The following KIF26B variants were observed in gnomAD, a reference collection of about 807,000 sequenced individuals.
The protein encoded by KIF26B is kinesin-like protein KIF26B.
A neutral mutation model predicts 151.2 loss-of-function variants in KIF26B; 63 were observed. That is an observed-to-expected ratio of 0.42 (90% CI 0.34 to 0.51). The LOEUF is 0.51. Ranked by LOEUF, KIF26B falls within the 20% of genes least tolerant of loss-of-function variation. The pLI, the probability that KIF26B is intolerant of heterozygous loss-of-function variation, is 0.07. For synonymous variants in KIF26B, 1,357 were observed against 1,262.1 expected (o/e 1.08, Z -1.59); for missense variants, 2,813 against 2,913.6 (o/e 0.97, Z 0.79).
intron 5 of KIF26B, among the ~76,000 whole-genome samples, chr1:245,565,119 C>T (rs1275215141): frequency 2.6e-5 from 4 of 152,058 alleles, no homozygotes; most frequent in Admixed American, 6.6e-5. Flanking sequence ...CCTGGCTGAG[C>T]GAGACCCTCT....
At chr1:245,295,123 G>A (rs896522062) in intron 2 of KIF26B, among the ~76,000 whole-genome samples, 2 of 152,064 alleles carry the variant, frequency 1.3e-5, no homozygotes, top group African/African-American at 4.8e-5. Context: ...AAATAATGAA[G>A]CATAAACATG....
intron 2 of KIF26B, among the ~76,000 whole-genome samples, chr1:245,188,184 G>A (rs1669033132): frequency 6.8e-6 from 1 of 148,138 alleles, no homozygotes; most frequent in Non-Finnish European, 1.5e-5. Context: ...GGAGGCTAAG[G>A]CAGGAGAATC....
chr1:245,688,367 T>C lies in KIF26B; in HGVS notation c.5384T>C (p.Leu1795Pro). ...QSLSRNRSSG[L>P]ASKLPLRAVS... ...CTCAGCAGGAACAGGAGCTCGGGCC[T>C]GGCCTCCAAGCTTCCCCTGCGGGCC... The change falls in exon 12 of 15, where the codon CTG becomes CCG. Residue 1795 changes from leucine (L) to proline (P), a missense_variant. This residue lies in a region of KIF26B where 2,060 missense variants were observed against 2,088.6 expected (regional missense o/e 0.99). Transcript: ENST00000407071. 1 of 1,551,384 alleles carries C rather than the reference T, an allele frequency of 6.4e-7. No homozygotes were observed. The highest frequency in any genetic ancestry group is 8.6e-7 in the Non-Finnish European group (1 of 1,157,364).
chr1:245,622,624 C>G (rs2043676252), intron 9 of KIF26B, among the ~76,000 whole-genome samples: 3 of 152,222 alleles, frequency 2.0e-5, no homozygotes, highest in Admixed American at 2.0e-4. Flanking sequence ...TTGGCCTCCA[C>G]AACAGCTTTG....
intron 10 of KIF26B, among the ~76,000 whole-genome samples, chr1:245,647,928 T>A (rs1204391714): frequency 6.6e-6 from 1 of 152,164 alleles, no homozygotes; most frequent in Non-Finnish European, 1.5e-5. Flanking sequence ...CCCTTTTCTA[T>A]GGGAGAATAT....
At chr1:245,673,602 T>C (rs1042546434) in intron 10 of KIF26B, 2 of 152,300 alleles carry the variant, frequency 1.3e-5, no homozygotes, top group African/African-American at 4.8e-5. Flanking sequence ...ACTTCTAATG[T>C]CAACCTTGAA....
In KIF26B at chr1:245,705,454, A is replaced by G. The variant is rs892000126; in HGVS notation, c.*2848A>G. 1 of 152,184 alleles carries G rather than the reference A, an allele frequency of 6.6e-6. No individual in the cohort carries two copies. Among genetic ancestry groups the G allele is most frequent in the African/African-American group, 2.4e-5 (1 of 41,444 alleles). 9.4% of individuals were successfully genotyped at this position (152,184 alleles called of 1,614,324 possible). On this transcript the variant is annotated 3_prime_UTR_variant, in exon 15 of 15. Coordinates refer to ENST00000407071, the MANE Select transcript of KIF26B (RefSeq NM_018012.4). ...TGACCATTCTGAAGCAGTCCCAGTC[A>G]CGGGAGGATGCCTTACCCAGTGGCC...
At chr1:245,622,737 T>C (rs1043445309) in intron 9 of KIF26B, among the ~76,000 whole-genome samples, 4 of 152,110 alleles carry the variant, frequency 2.6e-5, no homozygotes, top group Non-Finnish European at 5.9e-5. Context: ...AGGCCAGGTA[T>C]GAGGCTGTAA....
At chr1:245,316,287 A>G (rs563164330) in intron 2 of KIF26B, among the ~76,000 whole-genome samples, 88 of 152,034 alleles carry the variant, frequency 5.8e-4, no homozygotes, top group African/African-American at 2.0e-3. Context: ...ATGCCTGGCT[A>G]ATTTTTTTGT....
intron 2 of KIF26B, among the ~76,000 whole-genome samples, chr1:245,183,915 T>G (rs991147487): frequency 3.3e-5 from 5 of 151,578 alleles, no homozygotes; most frequent in African/African-American, 9.7e-5. Flanking sequence ...AGTGATGGAG[T>G]TTTTTGTTGG....
intron 2 of KIF26B, among the ~76,000 whole-genome samples, chr1:245,316,386 AG>A: frequency 6.6e-6 from 1 of 152,106 alleles, no homozygotes; most frequent in East Asian, 1.9e-4. Flanking sequence ...GGTCTCCCAA[AG>A]TTCTGGGATT....
At chr1:245,565,553 G>C (rs1416976356) in intron 5 of KIF26B, among the ~76,000 whole-genome samples, 1 of 152,154 alleles carries the variant, frequency 6.6e-6, no homozygotes, top group East Asian at 1.9e-4. Flanking sequence ...GCCTCCCAAA[G>C]TGCTGGGATT....
rs1660973539 is a variant in KIF26B at position 245,516,644 on chromosome 1, G to A, written c.1167-24123G>A. Among the ~76,000 whole-genome samples the A allele has an allele frequency of 6.6e-6, 1 of 152,102 alleles. No individual in the cohort carries two copies. Among genetic ancestry groups the A allele is most frequent in the African/African-American group, 2.4e-5 (1 of 41,410 alleles). On this transcript the variant is annotated intron_variant, in intron 4 of 14. Transcript: ENST00000407071. This position sits in a 1 kb window ranked among gnomAD's most constrained non-coding sequence, Gnocchi z 4.2. ...GTCTTGGTGGGGGTGGAGATGTGGGGTGAAGTAATGAGCCCGCAAGGCCTG... is the reference window on the plus strand; with the variant it reads ...GTCTTGGTGGGGGTGGAGATGTGGGATGAAGTAATGAGCCCGCAAGGCCTG...
chr1:245,643,235 G>A (rs1035596301), intron 9 of KIF26B, among the ~76,000 whole-genome samples: 11 of 152,004 alleles, frequency 7.2e-5, no homozygotes, highest in African/African-American at 2.4e-4. Context: ...ATATGGTTTG[G>A]TTCAAAATAT....
intron 2 of KIF26B, among the ~76,000 whole-genome samples, chr1:245,187,267 A>G (rs1046897568): frequency 2.6e-5 from 4 of 152,238 alleles, no homozygotes; most frequent in African/African-American, 9.6e-5. Context: ...CAAAAAGACA[A>G]ATACTGCGTG....
chr1:245,507,804 G>T (rs1263861903), intron 4 of KIF26B, among the ~76,000 whole-genome samples: 1 of 152,140 alleles, frequency 6.6e-6, no homozygotes, highest in Non-Finnish European at 1.5e-5. Flanking sequence ...CTTGCCAACA[G>T]ATGTTTTGAC....
chr1:245,443,607 C>T (rs112342743), intron 4 of KIF26B, among the ~76,000 whole-genome samples: 15,590 of 95,130 alleles, frequency 0.16, 2,794 homozygotes, highest in African/African-American at 0.22. Flanking sequence ...TCACCTAGAG[C>T]GGTCATCTCC....
intron 2 of KIF26B, among the ~76,000 whole-genome samples, chr1:245,259,078 C>T (rs1280227580): frequency 2.0e-5 from 3 of 152,160 alleles, no homozygotes; most frequent in Non-Finnish European, 2.9e-5. Context: ...AAGCTGTGCC[C>T]CTAGCTGGGT....
intron 2 of KIF26B, among the ~76,000 whole-genome samples, chr1:245,247,537 G>C (rs976549847): frequency 1.3e-5 from 2 of 152,228 alleles, no homozygotes; most frequent in Non-Finnish European, 2.9e-5. Flanking sequence ...TGCTAACGAA[G>C]AGAAGAGGCT....
Sources: allele counts gnomAD v4.1 joint callset (sites outside exome capture counted in the v4.1 genomes callset), GRCh38; gene constraint gnomAD v4.1.1; regional missense constraint gnomAD v4.1.1; non-coding constraint Gnocchi (gnomAD v3.1); transcripts MANE v1.5; gene names NCBI Gene and HGNC (gene_info 2026-07-23, HGNC 2026-07-21).